Variants in TEX11 observed in about 807,000 individuals in gnomAD.
TEX11 encodes the protein testis expressed 11.
Under a neutral mutation model 84.4 loss-of-function variants are expected in TEX11, and 7 were observed. The ratio of observed to expected loss-of-function variants is 0.08; its 90% confidence interval spans 0.05 to 0.16. The LOEUF (loss-of-function observed/expected upper bound fraction) is 0.16. TEX11 is among the 10% of genes least tolerant of loss of function. TEX11 has a pLI of 1.00. For synonymous variants in TEX11, 264 were observed against 222.8 expected (o/e 1.18, Z -1.64); for missense variants, 551 against 660.5 (o/e 0.83, Z 1.82).
chrX:70,568,635 TA>T (rs2088534335), intron 25 of TEX11, among the ~76,000 whole-genome samples: 1 of 111,155 alleles, frequency 9.0e-6, no homozygotes, highest in Non-Finnish European at 1.9e-5. Flanking sequence ...TGCTTGTCTG[TA>T]AAGTATTTTA....
chrX:70,853,204 T>C, intron 6 of TEX11, 44 bp downstream of exon 6: 1 of 1,206,650 alleles, frequency 8.3e-7, no homozygotes, highest in Non-Finnish European at 1.1e-6. Flanking sequence ...ACCACAGATG[T>C]TACTACTAAT....
intron 13 of TEX11, among the ~76,000 whole-genome samples, chrX:70,688,744 T>A (rs1181632218): frequency 1.9e-5 from 2 of 107,444 alleles, no homozygotes; most frequent in African/African-American, 6.7e-5. Context: ...TCTCAATGCA[T>A]ACAAATTATA....
intron 9 of TEX11, among the ~76,000 whole-genome samples, chrX:70,782,678 A>G (rs1298671036): frequency 2.0e-5 from 2 of 99,608 alleles, no homozygotes; most frequent in East Asian, 6.8e-4. Flanking sequence ...AGGGGTTGCA[A>G]TCCTAGTCTC....
intron 13 of TEX11, among the ~76,000 whole-genome samples, chrX:70,715,016 T>C (rs1255293188): frequency 9.0e-6 from 1 of 111,532 alleles, no homozygotes; most frequent in African/African-American, 3.3e-5. Flanking sequence ...AGCATTTGCT[T>C]ATCTGTAAAG....
intron 25 of TEX11, among the ~76,000 whole-genome samples, chrX:70,579,413 G>T (rs1268084331): frequency 1.9e-5 from 2 of 107,576 alleles, no homozygotes; most frequent in African/African-American, 6.8e-5. Flanking sequence ...GAGAATGGTG[G>T]GTGAACCCAG....
At chrX:70,895,786 T>C (rs2091763215) in intron 2 of TEX11, among the ~76,000 whole-genome samples, 1 of 111,966 alleles carries the variant, frequency 8.9e-6, no homozygotes, top group Admixed American at 9.5e-5. Context: ...ATTCCCTATT[T>C]AATAAATGGT....
At chrX:70,808,586 A>G (rs2091234209) in intron 8 of TEX11, among the ~76,000 whole-genome samples, 1 of 109,135 alleles carries the variant, frequency 9.2e-6, no homozygotes, top group Non-Finnish European at 1.9e-5. Context: ...TTTGTAACAC[A>G]AAGGATAAAT....
intron 24 of TEX11, among the ~76,000 whole-genome samples, chrX:70,599,533 A>C (rs1034096327): frequency 9.1e-6 from 1 of 110,269 alleles, no homozygotes; most frequent in Admixed American, 9.6e-5. Context: ...TTTTTTTATT[A>C]TTATACTTTA....
chrX:70,810,559 C>T (rs1027799781), intron 8 of TEX11, among the ~76,000 whole-genome samples: 3 of 110,953 alleles, frequency 2.7e-5, no homozygotes, highest in African/African-American at 6.6e-5. Context: ...AACCAAACAC[C>T]GCATGTTCTC....
chrX:70,711,560 C>T (rs2090433940), intron 13 of TEX11, among the ~76,000 whole-genome samples: 1 of 111,611 alleles, frequency 9.0e-6, no homozygotes, highest in African/African-American at 3.3e-5. Flanking sequence ...CATTTTTTCA[C>T]GTGTCTTTTG....
At chrX:70,593,552 C>G (rs911086362) in intron 24 of TEX11, among the ~76,000 whole-genome samples, 2 of 111,687 alleles carry the variant, frequency 1.8e-5, no homozygotes, top group African/African-American at 6.5e-5. Flanking sequence ...TGAAAAAGCC[C>G]AGATGTTAAA....
intron 13 of TEX11, among the ~76,000 whole-genome samples, chrX:70,713,626 T>G (rs2090463423): frequency 8.9e-6 from 1 of 111,896 alleles, no homozygotes; most frequent in Non-Finnish European, 1.9e-5. Flanking sequence ...TTCTGTGGGA[T>G]CGGTGGTGAT....
At chrX:70,893,636 A>C (rs1319386020) in intron 2 of TEX11, among the ~76,000 whole-genome samples, 1 of 111,814 alleles carries the variant, frequency 8.9e-6, no homozygotes, top group Non-Finnish European at 1.9e-5. Context: ...TAGATCTGAA[A>C]TTGACACCCA....
chrX:70,814,364 A>G lies in TEX11; in HGVS notation c.607-7574T>C, dbSNP rs188186064. Among the ~76,000 whole-genome samples the G allele has an allele frequency of 3.7e-4, 41 of 112,287 alleles. 1 individual carries two copies. Among genetic ancestry groups the G allele is most frequent in the South Asian group, 3.3e-3 (9 of 2,691 alleles). On this transcript the variant is annotated intron_variant, in intron 8 of 29. Transcript: ENST00000374333. ...CCAGTGAGTCATTTTTAAGGCTCAA[A>G]TGATTTTGAGTTTGGAATGAAACTA...
At position 70,599,197 on chromosome X, in the gene TEX11, TAAATA is replaced by T. The variant is rs770718731; in HGVS notation, c.2067+6199_2067+6203del. ...GAAATAAAGAAAATAAAGAAATAAA[TAAATA>T]AAATAAAGAAATATTTTTCTTTATT... On this transcript the variant is annotated intron_variant, in intron 24 of 29. Transcript: ENST00000374333. 7.3e-3 allele frequency among the ~76,000 whole-genome samples: 812 copies of T among 111,603 alleles called. 6 individuals are homozygous for T. The highest frequency in any genetic ancestry group is 0.024 in the African/African-American group (754 of 30,786).
chrX:70,623,873 C>A, intron 20 of TEX11, 77 bp downstream of exon 20: 1 of 920,917 alleles, frequency 1.1e-6, no homozygotes, highest in Non-Finnish European at 1.5e-6. Context: ...CTAAGTATCT[C>A]TGAATATATG....
chrX:70,556,428 A>G (rs183680593), intron 25 of TEX11, among the ~76,000 whole-genome samples: 7 of 112,179 alleles, frequency 6.2e-5, no homozygotes, highest in Non-Finnish European at 1.1e-4. Context: ...AAGGTTTTAC[A>G]GATAACTTTG....
chrX:70,539,038 A>ATATATATATATATATATATTT, intron 28 of TEX11, among the ~76,000 whole-genome samples: 13 of 41,237 alleles, frequency 3.2e-4, no homozygotes, highest in African/African-American at 1.1e-3. Context: ...ATATATATAT[A>ATATATATATATATATATATTT]TTTTTTTTTT....
intron 8 of TEX11, among the ~76,000 whole-genome samples, chrX:70,832,886 TTTC>T (rs1253976841): frequency 1.0e-4 from 11 of 110,551 alleles, no homozygotes; most frequent in African/African-American, 3.4e-4. Context: ...AACTCATTTT[TTTC>T]TTTCTTTTGT....
Sources: allele counts gnomAD v4.1 joint callset (sites outside exome capture counted in the v4.1 genomes callset), GRCh38; gene constraint gnomAD v4.1.1; transcripts MANE v1.5; gene names NCBI Gene and HGNC (gene_info 2026-07-23, HGNC 2026-07-21).